HMGCLL1: variants seen among roughly 807,000 people sequenced by gnomAD.
The protein encoded by HMGCLL1 is 3-hydroxymethyl-3-methylglutaryl-CoA lyase, cytoplasmic.
In HMGCLL1, 36 loss-of-function variants were observed where a neutral mutation model predicts 39.1. The observed-to-expected ratio is 0.92, with a 90% CI of 0.71 to 1.22. The LOEUF is 1.22. Ranked by LOEUF, HMGCLL1 falls within the 50% of genes most tolerant of loss-of-function variation. The pLI is 0.00. For missense variants in HMGCLL1, 451 were observed against 416.5 expected (o/e 1.08, Z -0.72); for synonymous variants, 149 against 144.0 (o/e 1.03, Z -0.25).
At chr6:55,582,544 G>A (rs1772002831), upstream of HMGCLL1, among the ~76,000 whole-genome samples, 1 of 152,090 alleles carries the variant, frequency 6.6e-6, no homozygotes, top group African/African-American at 2.4e-5. Context: ...AGCAGTCTTT[G>A]CAGTCTCAAC....
At chr6:55,486,639 T>A (rs1426493543) in intron 7 of HMGCLL1, among the ~76,000 whole-genome samples, 1 of 152,086 alleles carries the variant, frequency 6.6e-6, no homozygotes, top group African/African-American at 2.4e-5. Context: ...CAAACCTTTA[T>A]CTTTTATCAC....
chr6:55,631,866 T>C, the HMGCLL1 span, among the ~76,000 whole-genome samples: 1 of 152,148 alleles, frequency 6.6e-6, no homozygotes, highest in Non-Finnish European at 1.5e-5. Flanking sequence ...GGTCTGACTC[T>C]GATAATGTAG....
At chr6:55,668,559 A>G in the HMGCLL1 span, among the ~76,000 whole-genome samples, 1 of 151,904 alleles carries the variant, frequency 6.6e-6, no homozygotes, top group African/African-American at 2.4e-5. Context: ...TCTGAAAAGG[A>G]AATAGCAATA....
At chr6:55,583,657 C>A (rs147692400), upstream of HMGCLL1, among the ~76,000 whole-genome samples, 1 of 152,022 alleles carries the variant, frequency 6.6e-6, no homozygotes, top group African/African-American at 2.4e-5. Context: ...AATAAACATA[C>A]GTGTTCATGT....
At chr6:55,644,382 C>T in the HMGCLL1 span, among the ~76,000 whole-genome samples, 1 of 151,838 alleles carries the variant, frequency 6.6e-6, no homozygotes, top group African/African-American at 2.4e-5. Flanking sequence ...GCTTTGCTGT[C>T]CAGAAGCTTT....
the HMGCLL1 span, among the ~76,000 whole-genome samples, chr6:55,624,015 T>C: frequency 1.3e-5 from 2 of 152,116 alleles, no homozygotes; most frequent in African/African-American, 2.4e-5. Flanking sequence ...ACGTTTTGGA[T>C]CCACTGTAAT....
chr6:55,577,639 G>T (rs1289631660), intron 1 of HMGCLL1, among the ~76,000 whole-genome samples: 1 of 152,078 alleles, frequency 6.6e-6, no homozygotes, highest in Non-Finnish European at 1.5e-5. Flanking sequence ...AGAAAATAAA[G>T]AGGGAGAGAG....
At chr6:55,578,823 T>G in intron 1 of HMGCLL1, 125 bp downstream of exon 1, 1 of 699,710 alleles carries the variant, frequency 1.4e-6, no homozygotes, top group Non-Finnish European at 2.5e-6. Context: ...ACAGAACTGC[T>G]GCGGGAAGGG....
the HMGCLL1 span, among the ~76,000 whole-genome samples, chr6:55,667,350 C>T: frequency 2.0e-5 from 3 of 151,622 alleles, no homozygotes; most frequent in Non-Finnish European, 2.9e-5. Context: ...GCTGAAGTTA[C>T]CAAGTGTGTA....
At chr6:55,484,726 C>T (rs1460564187) in intron 7 of HMGCLL1, among the ~76,000 whole-genome samples, 3 of 151,936 alleles carry the variant, frequency 2.0e-5, no homozygotes, top group Non-Finnish European at 4.4e-5. Context: ...TTAGAATATG[C>T]TCACCACCCC....
the HMGCLL1 span, among the ~76,000 whole-genome samples, chr6:55,607,968 C>T: frequency 6.6e-6 from 1 of 152,146 alleles, no homozygotes; most frequent in African/African-American, 2.4e-5. Context: ...TTCTCTCATT[C>T]TAATCTCACA....
the HMGCLL1 span, among the ~76,000 whole-genome samples, chr6:55,667,012 T>C: frequency 1.3e-5 from 2 of 151,700 alleles, no homozygotes; most frequent in Admixed American, 6.6e-5. Context: ...TGAGTTTCCA[T>C]TGACCTTTGC....
the HMGCLL1 span, among the ~76,000 whole-genome samples, chr6:55,655,537 T>TAGATAGATAGAC: frequency 2.2e-3 from 1 of 464 alleles, no homozygotes; most frequent in Admixed American, 0.056. Context: ...GTTATATTGG[T>TAGATAGATAGAC]AGATAGATAG....
chr6:55,542,274 A>G (rs1252285537), intron 1 of HMGCLL1, 134 bp from the exon 2 acceptor site: 1 of 537,312 alleles, frequency 1.9e-6, no homozygotes, highest in African/African-American at 2.0e-5. Flanking sequence ...CAATACAATG[A>G]TATCATGAAA....
In HMGCLL1 at chr6:55,477,439, T is replaced by TATATATA. The variant is rs1561905551; in HGVS notation, c.795+17973_795+17979dup. Among the ~76,000 whole-genome samples the TATATATA allele has an allele frequency of 1.6e-3, 52 of 32,204 alleles. 1 individual carries two copies. The highest frequency in any genetic ancestry group is 0.013 in the African/African-American group (51 of 4,034). 21.1% of individuals were successfully genotyped at this position (32,204 alleles called of 152,430 possible). ...TATTATCTTAATATATATTATATAT[T>TATATATA]ATATATATAATATATTACATATAAT... On this transcript the variant is annotated intron_variant, in intron 7 of 8. Transcript: ENST00000274901.
At chr6:55,622,808 G>A in the HMGCLL1 span, among the ~76,000 whole-genome samples, 1 of 151,878 alleles carries the variant, frequency 6.6e-6, no homozygotes, top group African/African-American at 2.4e-5. Flanking sequence ...CTCTTCCCCT[G>A]TTTTTTGTAG....
intron 7 of HMGCLL1, among the ~76,000 whole-genome samples, chr6:55,482,095 G>A (rs1765780716): frequency 6.6e-6 from 1 of 152,036 alleles, no homozygotes; most frequent in South Asian, 2.1e-4. Context: ...TGGAATTTGA[G>A]ACAGAAACAC....
Position 55,495,733 on chromosome 6 carries a change from T to C in HMGCLL1, c.607-126A>G, listed in dbSNP as rs553390839. Reference sequence around the variant, plus strand: ...ATACCAGTAATGTCCATGAAAAATATATAATGTATTTTCTGGTCCTTTTTC... The same window carrying C: ...ATACCAGTAATGTCCATGAAAAATACATAATGTATTTTCTGGTCCTTTTTC... On this transcript the variant is annotated intron_variant, in intron 6 of 8. Coordinates refer to ENST00000274901, the MANE Select transcript of HMGCLL1 (RefSeq NM_001042406.2). 128 of 556,660 alleles carry C rather than the reference T, an allele frequency of 2.3e-4. 2 individuals carry two copies. The South Asian group carries it at 4.6e-3, about 20-fold the overall frequency. The allele number at this position is 556,660 out of a possible 1,614,324, so 34.5% of individuals were successfully genotyped here.
At chr6:55,492,027 A>C (rs1056082220) in intron 7 of HMGCLL1, among the ~76,000 whole-genome samples, 1 of 152,052 alleles carries the variant, frequency 6.6e-6, no homozygotes, top group Non-Finnish European at 1.5e-5. Flanking sequence ...CGTTCCATTT[A>C]TAACTTTCAT....
Sources: allele counts gnomAD v4.1 joint callset (sites outside exome capture counted in the v4.1 genomes callset), GRCh38; gene constraint gnomAD v4.1.1; transcripts MANE v1.5; gene names NCBI Gene and HGNC (gene_info 2026-07-23, HGNC 2026-07-21).